Variants in TMTC2 observed in about 807,000 individuals in gnomAD.
TMTC2 encodes transmembrane O-mannosyltransferase targeting cadherins 2, also known as protein O-mannosyl-transferase TMTC2.
Under a neutral mutation model 82.4 loss-of-function variants are expected in TMTC2, and 43 were observed. The observed-to-expected ratio is 0.52, with a 90% CI of 0.41 to 0.67. The LOEUF is 0.67. Ranked by LOEUF, TMTC2 falls within the 30% of genes least tolerant of loss-of-function variation. TMTC2 has a pLI of 0.00. For missense variants in TMTC2, 919 were observed against 1,012.4 expected, an observed-to-expected ratio of 0.91 and a Z score of 1.25; for synonymous variants, 408 against 381.9, an observed-to-expected ratio of 1.07 and a Z score of -0.80.
At chr12:83,041,172 A>G (rs969265271) in intron 9 of TMTC2, among the ~76,000 whole-genome samples, 3 of 152,316 alleles carry the variant, frequency 2.0e-5, no homozygotes, top group Middle Eastern at 3.4e-3. Context: ...ATTAGCATAC[A>G]TTCTTTTCAA....
intron 1 of TMTC2, among the ~76,000 whole-genome samples, chr12:82,754,577 C>T (rs1258603736): frequency 1.3e-5 from 2 of 151,702 alleles, no homozygotes; most frequent in Non-Finnish European, 2.9e-5. Flanking sequence ...TCTACTAAAA[C>T]GGTACAAAAA....
At chr12:82,829,889 G>A (rs2137074918) in intron 1 of TMTC2, among the ~76,000 whole-genome samples, 1 of 152,246 alleles carries the variant, frequency 6.6e-6, no homozygotes, top group South Asian at 2.1e-4. Flanking sequence ...ACAGAGGGAG[G>A]TAAGAGCTCC....
chr12:82,955,829 G>A (rs1433008867), intron 4 of TMTC2, among the ~76,000 whole-genome samples: 7 of 151,956 alleles, frequency 4.6e-5, no homozygotes, highest in Non-Finnish European at 8.8e-5. Context: ...AATCTGAGAA[G>A]TAAAATATTA....
chr12:82,844,094 C>G (rs1325296638), intron 1 of TMTC2, among the ~76,000 whole-genome samples: 1 of 152,160 alleles, frequency 6.6e-6, no homozygotes, highest in African/African-American at 2.4e-5. Context: ...TTAGTTTCTC[C>G]CTTTAAAACT....
At chr12:82,997,156 C>CG (rs1565844715) in intron 8 of TMTC2, among the ~76,000 whole-genome samples, 2 of 49,040 alleles carry the variant, frequency 4.1e-5, no homozygotes, top group African/African-American at 1.4e-4. Context: ...TTTGATACTT[C>CG]CCTCTCTCTC....
intron 1 of TMTC2, among the ~76,000 whole-genome samples, chr12:82,830,845 TTTCAG>T (rs1433994860): frequency 6.6e-6 from 1 of 152,204 alleles, no homozygotes; most frequent in African/African-American, 2.4e-5. Flanking sequence ...TTAAGATATA[TTTCAG>T]TTAAGTTTTA....
intron 11 of TMTC2, among the ~76,000 whole-genome samples, chr12:83,129,633 T>C (rs1348913328): frequency 2.6e-5 from 4 of 152,192 alleles, no homozygotes; most frequent in Non-Finnish European, 5.9e-5. Flanking sequence ...TTAAAAAGGC[T>C]AGAAAGCTAG....
chr12:83,031,752 A>G (rs1207527045), intron 9 of TMTC2, among the ~76,000 whole-genome samples: 1 of 152,240 alleles, frequency 6.6e-6, no homozygotes, highest in East Asian at 1.9e-4. Flanking sequence ...CCAGCTAATA[A>G]AAATAAATCA....
chr12:83,073,209 G>GA (rs1327492426), intron 11 of TMTC2, among the ~76,000 whole-genome samples: 1 of 152,122 alleles, frequency 6.6e-6, no homozygotes. Flanking sequence ...GCATTTGTCT[G>GA]AAAAAGACTA....
At chr12:82,884,951 T>G (rs934664382) in intron 2 of TMTC2, among the ~76,000 whole-genome samples, 1 of 152,082 alleles carries the variant, frequency 6.6e-6, no homozygotes, top group Non-Finnish European at 1.5e-5. Flanking sequence ...AGGAGTGTAG[T>G]TGCACAATCA....
Position 82,873,982 on chromosome 12 carries a change from A to G in TMTC2, c.654+16402A>G, listed in dbSNP as rs537315359. Among the ~76,000 whole-genome samples the G allele has an allele frequency of 6.6e-5, 10 of 152,334 alleles. 1 individual carries two copies. Among genetic ancestry groups the G allele is most frequent in the African/African-American group, 2.4e-4 (10 of 41,580 alleles). On this transcript the variant is annotated intron_variant, in intron 2 of 11. Coordinates refer to ENST00000321196, the MANE Select transcript of TMTC2 (RefSeq NM_152588.3). ...AACAATTTTAAAAGAGCAATCACAT[A>G]AAGTTAATTATGGGGGAACGATTCT...
chr12:82,699,720 A>G (rs965063618), intron 1 of TMTC2, among the ~76,000 whole-genome samples: 2 of 152,138 alleles, frequency 1.3e-5, no homozygotes, highest in Non-Finnish European at 2.9e-5. Flanking sequence ...TAACAATTAT[A>G]AAAAATGTCT....
At chr12:82,752,507 A>G (rs1475362079) in intron 1 of TMTC2, among the ~76,000 whole-genome samples, 1 of 151,966 alleles carries the variant, frequency 6.6e-6, no homozygotes, top group Non-Finnish European at 1.5e-5. Context: ...AAAACAAAAC[A>G]AAGAATCTTA....
At chr12:83,054,353 A>G (rs1882458024) in intron 10 of TMTC2, among the ~76,000 whole-genome samples, 1 of 152,116 alleles carries the variant, frequency 6.6e-6, no homozygotes, top group East Asian at 1.9e-4. Flanking sequence ...AGGGTCTCTG[A>G]ATGTATAACA....
chr12:83,050,938 A>G lies in TMTC2; in HGVS notation c.2187A>G (p.Glu729=), dbSNP rs1002026646. ...QFLLEEARLI[E]AAEMAKKAAE... ...TTCTGGAAGAAGCTCGTCTCATAGA[A>G]GCAGCTGAGATGGCAAAAAAAGCAG... The change falls in exon 10 of 12, where the codon GAA becomes GAG. Residue 729 remains glutamate, a synonymous_variant. Transcript: ENST00000321196. The G allele has an allele frequency of 6.2e-7, 1 of 1,613,316 alleles. No individual in the cohort carries two copies. Among genetic ancestry groups the G allele is most frequent in the Non-Finnish European group, 8.5e-7 (1 of 1,179,524 alleles).
In TMTC2 at chr12:83,048,581, A is replaced by G. The variant is rs145655309; in HGVS notation, c.2153-2323A>G. Among the ~76,000 whole-genome samples, 6 of 152,314 alleles carry G rather than the reference A, an allele frequency of 3.9e-5. No individual in the cohort carries two copies. The East Asian group carries it at 1.2e-3, about 29-fold the overall frequency. On this transcript the variant is annotated intron_variant, in intron 9 of 11. Transcript: ENST00000321196. ...GTCACTTGCTTTTGAAAAAAACAGA[A>G]AGTCTTTATAATCGTAGGCTTACCT... is the stretch of plus-strand genomic sequence containing the variant.
chr12:82,787,150 C>G (rs1878216305), intron 1 of TMTC2, among the ~76,000 whole-genome samples: 1 of 152,090 alleles, frequency 6.6e-6, no homozygotes, highest in East Asian at 1.9e-4. Flanking sequence ...TATATTTTCA[C>G]TATCTACTAG....
chr12:83,087,119 T>C (rs971135259), intron 11 of TMTC2, among the ~76,000 whole-genome samples: 2 of 152,232 alleles, frequency 1.3e-5, no homozygotes, highest in Non-Finnish European at 2.9e-5. Flanking sequence ...AAGTCCTTTG[T>C]TATCATATCA....
chr12:82,961,527 G>C (rs1877934593), intron 4 of TMTC2, among the ~76,000 whole-genome samples: 1 of 152,040 alleles, frequency 6.6e-6, no homozygotes, highest in African/African-American at 2.4e-5. Flanking sequence ...GAAAGAGCAT[G>C]AGATTTAGTA....
Sources: allele counts gnomAD v4.1 joint callset (sites outside exome capture counted in the v4.1 genomes callset), GRCh38; gene constraint gnomAD v4.1.1; transcripts MANE v1.5; gene names NCBI Gene and HGNC (gene_info 2026-07-23, HGNC 2026-07-21).